NATD1: variants seen among roughly 807,000 people sequenced by gnomAD.
NATD1 encodes the protein N-acetyltransferase domain containing 1, also known as protein NATD1.
Under a neutral mutation model 12.0 loss-of-function variants are expected in NATD1, and 9 were observed. The ratio of observed to expected loss-of-function variants is 0.75; its 90% CI spans 0.45 to 1.30. The LOEUF is 1.30. Ranked by LOEUF, NATD1 falls within the 50% of genes most tolerant of loss-of-function variation. The probability of loss-of-function intolerance (pLI) is 0.00; values close to 1 mark genes in which losing one functional copy is unlikely to be tolerated. For synonymous variants in NATD1, 71 were observed against 65.9 expected (o/e 1.08, Z -0.37); for missense variants, 148 against 148.5 (o/e 1.00, Z 0.02).
rs1567644524 is a variant in NATD1, at chr17:21,242,596, C to G, written c.*717G>C. ...ATGGGGATGGGGCCTTGGTTTCCTGCAGAACCTACACGAGAGGCCAAAAAA... is the reference window on the plus strand; with the variant it reads ...ATGGGGATGGGGCCTTGGTTTCCTGGAGAACCTACACGAGAGGCCAAAAAA... On this transcript the variant is annotated 3_prime_UTR_variant, in exon 3 of 3. Coordinates refer to ENST00000611551, the MANE Select transcript of NATD1 (RefSeq NM_152914.3). The G allele has an allele frequency of 6.6e-6, 1 of 152,450 alleles. No homozygotes were observed. Among genetic ancestry groups the G allele is most frequent in the African/African-American group, 2.4e-5 (1 of 41,444 alleles). The allele number at this position is 152,450 out of a possible 1,614,324, so 9.4% of individuals were successfully genotyped here. A position where few individuals can be genotyped will look rare whatever the true frequency, so the allele number is the denominator to read the frequency against.
At chr17:21,249,759 C>T (rs964876371) in intron 1 of NATD1, among the ~76,000 whole-genome samples, 1 of 152,222 alleles carries the variant, frequency 6.6e-6, no homozygotes, top group Non-Finnish European at 1.5e-5. Context: ...GGGGTCTCTT[C>T]CAGCTGCCTC....
chr17:21,249,873 G>A (rs1361563528), intron 1 of NATD1, among the ~76,000 whole-genome samples: 2 of 152,202 alleles, frequency 1.3e-5, no homozygotes, highest in South Asian at 2.1e-4. Context: ...GTAATGACAA[G>A]CTTGCATTTC....
rs115011375 is a variant in NATD1 at position 21,248,048 on chromosome 17, A to G, written c.107-3824T>C. Among the ~76,000 whole-genome samples the G allele has an allele frequency of 8.8e-3, 1,341 of 152,134 alleles. 20 individuals carry two copies. The highest frequency in any genetic ancestry group is 0.031 in the African/African-American group (1,268 of 41,456). ...GGAACAGAGGGCATCTGGGGTGGCC[A>G]CGGTGGTGGTGGGGCTGTATGTGAG... On this transcript the variant is annotated intron_variant, in intron 1 of 2. Transcript: ENST00000611551.
intron 1 of NATD1, among the ~76,000 whole-genome samples, chr17:21,252,473 G>A (rs1199259454): frequency 1.3e-5 from 2 of 152,204 alleles, no homozygotes; most frequent in African/African-American, 4.8e-5. Context: ...CCAATGGGGT[G>A]TGCACTGGTA....
intron 1 of NATD1, among the ~76,000 whole-genome samples, chr17:21,250,785 C>T (rs1975367901): frequency 6.6e-6 from 1 of 152,168 alleles, no homozygotes; most frequent in Non-Finnish European, 1.5e-5. Flanking sequence ...CACTCAGAAC[C>T]AGAGCTCGCA....
rs1392083997 is a variant in NATD1 at position 21,243,171 on chromosome 17, G to A, written c.*142C>T. 7.7e-6 allele frequency: 5 copies of A among 647,834 alleles called. No individual in the cohort carries two copies. Among genetic ancestry groups the A allele is most frequent in the African/African-American group, 1.8e-5 (1 of 54,800 alleles). 40.1% of individuals were successfully genotyped at this position (647,834 alleles called of 1,614,324 possible). A position where few individuals can be genotyped will look rare whatever the true frequency, so the allele number is the denominator to read the frequency against. On this transcript the variant is annotated 3_prime_UTR_variant, in exon 3 of 3. Transcript: ENST00000611551. The stretch of plus-strand genomic sequence containing the variant: ...ATTGGTCAGCTGCCTCCAGGGATCT[G>A]GACGTGGGGCACAGATGAGTGTCCT...
At chr17:21,245,104 G>T (rs1320803197) in intron 1 of NATD1, among the ~76,000 whole-genome samples, 3 of 152,192 alleles carry the variant, frequency 2.0e-5, no homozygotes, top group East Asian at 3.9e-4. Context: ...GCCAGGGAAT[G>T]GGGGCAGGTG....
In NATD1 at chr17:21,244,444, G is replaced by A. The variant is rs1197302285; in HGVS notation, c.107-220C>T. Among the ~76,000 whole-genome samples the A allele has an allele frequency of 1.3e-5, 2 of 152,068 alleles. No individual in the cohort carries two copies. Among genetic ancestry groups the A allele is most frequent in the Non-Finnish European group, 2.9e-5 (2 of 68,008 alleles). ...GATTAAATGAGGTAACCTCTGTGAC[G>A]TGCTTACAGCCATGCCTAGAACACT... On this transcript the variant is annotated intron_variant, in intron 1 of 2. Transcript: ENST00000611551. The surrounding 1 kb of genome is among the most constrained non-coding windows in gnomAD (Gnocchi z 5.2).
chr17:21,253,211 G>C lies in NATD1; in HGVS notation c.54C>G (p.Pro18=), dbSNP rs1430063659. 1 of 1,008,772 alleles carries C rather than the reference G, an allele frequency of 9.9e-7. No individual in the cohort carries two copies. Among genetic ancestry groups the C allele is most frequent in the South Asian group, 4.4e-5 (1 of 22,538 alleles). 62.5% of individuals were successfully genotyped at this position (1,008,772 alleles called of 1,614,324 possible). The change falls in exon 1 of 3, where the codon CCC becomes CCG. Residue 18 remains proline (P), a synonymous_variant. Coordinates refer to ENST00000611551, the MANE Select transcript of NATD1 (RefSeq NM_152914.3). The part of the protein sequence containing the change: ...VPLGALEQGC[P]IRVEHDRRRR... Reference sequence around the variant, plus strand: ...GCCGGCGGTCGTGCTCCACGCGGATGGGGCAGCCCTGCTCCAGCGCGCCCA... The same window carrying C: ...GCCGGCGGTCGTGCTCCACGCGGATCGGGCAGCCCTGCTCCAGCGCGCCCA...
At chr17:21,248,163 G>C (rs559114407) in intron 1 of NATD1, among the ~76,000 whole-genome samples, 1 of 152,104 alleles carries the variant, frequency 6.6e-6, no homozygotes, top group Non-Finnish European at 1.5e-5. Context: ...CAGCAACCTC[G>C]GAGCATCTGG....
rs1975305521 is a variant in NATD1, at chr17:21,244,193, C to G, written c.138G>C (p.Glu46Asp). ...GGTCCACGATCCGCTTGCCCACGTA[C>G]TCATAGAGCAGGACGGCCCGGTCAT... Reference protein sequence around the residue: ...GCHDRAVLLYEYVGKRIVDLQ... With the variant: ...GCHDRAVLLYDYVGKRIVDLQ... Residue 46 changes from glutamate (E) to aspartate (D), a missense_variant, in exon 2 of 3, where the codon GAG (glutamate) becomes GAC (aspartate). Transcript: ENST00000611551. The surrounding 1 kb of genome is among the most constrained non-coding windows in gnomAD (Gnocchi z 5.2). 1 of 1,613,070 alleles carries G rather than the reference C, an allele frequency of 6.2e-7. No homozygotes were observed. The highest frequency in any genetic ancestry group is 8.5e-7 in the Non-Finnish European group (1 of 1,179,820).
rs1009276892 is a variant in NATD1 at position 21,242,571 on chromosome 17, A to T, written c.*742T>A. Reference sequence around the variant, plus strand: ...ACAGGGGTATAGGGGATAGCAGCCCATGGGGATGGGGCCTTGGTTTCCTGC... The same window carrying T: ...ACAGGGGTATAGGGGATAGCAGCCCTTGGGGATGGGGCCTTGGTTTCCTGC... On this transcript the variant is annotated 3_prime_UTR_variant, in exon 3 of 3. Coordinates refer to ENST00000611551, the MANE Select transcript of NATD1 (RefSeq NM_152914.3). The T allele has an allele frequency of 4.4e-4, 67 of 152,366 alleles. No individual in the cohort carries two copies. The highest frequency in any genetic ancestry group is 1.6e-3 in the African/African-American group (65 of 41,574). 9.4% of individuals were successfully genotyped at this position (152,366 alleles called of 1,614,324 possible). A position where few individuals can be genotyped will look rare whatever the true frequency, so the allele number is the denominator to read the frequency against.
chr17:21,243,544 T>A, intron 2 of NATD1, 115 bp from the exon 3 acceptor site: 1 of 728,752 alleles, frequency 1.4e-6, no homozygotes, highest in Non-Finnish European at 2.3e-6. Context: ...TTTGCCCAGG[T>A]CAGTAACTCC....
rs1169965078 is a variant in NATD1 at position 21,241,724 on chromosome 17, G to A, written c.*1589C>T. Reference sequence around the variant, plus strand: ...TGTGACCCACAGCAGGGGTTTCGAGGAGACTCCGGGGCTCGGGGACCCCCA... The same window carrying A: ...TGTGACCCACAGCAGGGGTTTCGAGAAGACTCCGGGGCTCGGGGACCCCCA... On this transcript the variant is annotated 3_prime_UTR_variant, in exon 3 of 3. Coordinates refer to ENST00000611551, the MANE Select transcript of NATD1 (RefSeq NM_152914.3). 6.6e-6 allele frequency: 1 copy of A among 152,240 alleles called. No homozygotes were observed. The highest frequency in any genetic ancestry group is 1.5e-5 in the Non-Finnish European group (1 of 68,090). 9.4% of individuals were successfully genotyped at this position (152,240 alleles called of 1,614,324 possible).
intron 1 of NATD1, among the ~76,000 whole-genome samples, chr17:21,247,887 G>A (rs114066570): frequency 0.015 from 2,360 of 152,294 alleles, 69 homozygotes; most frequent in African/African-American, 0.052. Context: ...CTGCTGTCCC[G>A]TCATGGGTGC....
intron 1 of NATD1, among the ~76,000 whole-genome samples, chr17:21,250,089 G>A (rs968594172): frequency 5.9e-5 from 9 of 152,246 alleles, no homozygotes; most frequent in African/African-American, 1.9e-4. Flanking sequence ...AGCAGCTAGA[G>A]GGAGCTGGGG....
chr17:21,248,080 A>G (rs1157003474), intron 1 of NATD1, among the ~76,000 whole-genome samples: 1 of 152,084 alleles, frequency 6.6e-6, no homozygotes, highest in Non-Finnish European at 1.5e-5. Flanking sequence ...TGAGGAAAAG[A>G]CCGAGTTTAA....
chr17:21,250,011 T>G (rs1022490125), intron 1 of NATD1, among the ~76,000 whole-genome samples: 1 of 152,322 alleles, frequency 6.6e-6, no homozygotes, highest in African/African-American at 2.4e-5. Flanking sequence ...CTGTTTGCAG[T>G]GCCTGGACTA....
chr17:21,249,059 A>G (rs778912543), intron 1 of NATD1, among the ~76,000 whole-genome samples: 1 of 152,096 alleles, frequency 6.6e-6, no homozygotes, highest in Non-Finnish European at 1.5e-5. Flanking sequence ...AAAGGGGGCC[A>G]GGAAATTGTC....
Sources: gnomAD v4.1 joint callset for allele counts (sites outside exome capture counted in the v4.1 genomes callset) on GRCh38, gnomAD v4.1.1 for gene constraint, Gnocchi (gnomAD v3.1) non-coding constraint, MANE v1.5 for transcripts, NCBI Gene and HGNC (gene_info 2026-07-23, HGNC 2026-07-21) for gene names.